Variants in IMMP2L observed in about 807,000 individuals in gnomAD.
The protein encoded by IMMP2L is mitochondrial inner membrane protease subunit 2.
IMMP2L carries 18 observed loss-of-function variants against 19.3 expected under a neutral mutation model. The observed-to-expected ratio is 0.93, with a 90% CI of 0.64 to 1.38. IMMP2L has a LOEUF of 1.38. Ranked by LOEUF, IMMP2L falls within the 40% of genes most tolerant of loss-of-function variation. The pLI, the probability that IMMP2L is intolerant of heterozygous loss-of-function variation, is 0.00. For synonymous variants in IMMP2L, 76 were observed against 73.0 expected (o/e 1.04, Z -0.21); for missense variants, 233 against 218.2 (o/e 1.07, Z -0.43).
intron 5 of IMMP2L, among the ~76,000 whole-genome samples, chr7:110,832,612 T>C (rs1209760820): frequency 2.0e-5 from 3 of 152,128 alleles, no homozygotes; most frequent in Admixed American, 6.6e-5. Flanking sequence ...GCTATGTACC[T>C]ACCCAGAACT....
intron 3 of IMMP2L, among the ~76,000 whole-genome samples, chr7:111,161,118 T>G (rs935707643): frequency 5.3e-5 from 8 of 151,816 alleles, no homozygotes; most frequent in African/African-American, 1.9e-4. Context: ...TACAACAGAC[T>G]CCGAGATTTT....
intron 3 of IMMP2L, among the ~76,000 whole-genome samples, chr7:111,161,027 G>A (rs1483086436): frequency 6.6e-6 from 1 of 151,308 alleles, no homozygotes; most frequent in Non-Finnish European, 1.5e-5. Context: ...AAATATAGTC[G>A]ATCTCAACAA....
intron 3 of IMMP2L, among the ~76,000 whole-genome samples, chr7:111,138,473 A>C (rs1012391733): frequency 6.6e-6 from 1 of 152,190 alleles, no homozygotes; most frequent in Admixed American, 6.5e-5. Flanking sequence ...CTTTCTCTTT[A>C]GTTGTGGTAG....
intron 3 of IMMP2L, among the ~76,000 whole-genome samples, chr7:111,469,063 A>C (rs1280602371): frequency 6.6e-6 from 1 of 152,066 alleles, no homozygotes; most frequent in Admixed American, 6.6e-5. Context: ...GGACAAAGGG[A>C]AAAGAGAAGA....
chr7:111,460,255 A>G (rs1840023561), intron 3 of IMMP2L, among the ~76,000 whole-genome samples: 1 of 152,172 alleles, frequency 6.6e-6, no homozygotes, highest in Admixed American at 6.6e-5. Context: ...TGAGTTTTTT[A>G]AGAAATTTTA....
rs185277568 is a variant in IMMP2L, at chr7:111,408,470, C to T, written c.239+78768G>A. On this transcript the variant is annotated intron_variant, in intron 3 of 5. Coordinates refer to ENST00000405709, the MANE Select transcript of IMMP2L (RefSeq NM_032549.4). Reference sequence around the variant, plus strand: ...TGCAACAGTCACGCATAAACACACACACAAACTCTAAGTCACACAATCTCT... The same window carrying T: ...TGCAACAGTCACGCATAAACACACATACAAACTCTAAGTCACACAATCTCT... Among the ~76,000 whole-genome samples, 92 of 151,812 alleles carry T rather than the reference C, an allele frequency of 6.1e-4. 6 individuals carry two copies. Among genetic ancestry groups the T allele is most frequent in the African/African-American group, 2.1e-3 (86 of 41,276 alleles).
At chr7:111,109,005 G>A (rs1009018093) in intron 3 of IMMP2L, among the ~76,000 whole-genome samples, 1 of 152,120 alleles carries the variant, frequency 6.6e-6, no homozygotes, top group Non-Finnish European at 1.5e-5. Flanking sequence ...TGGAGATGAT[G>A]GGAAGTAAGC....
At chr7:111,471,643 T>C (rs1390176975) in intron 3 of IMMP2L, among the ~76,000 whole-genome samples, 1 of 152,144 alleles carries the variant, frequency 6.6e-6, no homozygotes, top group Non-Finnish European at 1.5e-5. Flanking sequence ...AAAATTAAAA[T>C]TACACTTGTT....
At chr7:111,461,392 A>T (rs1840123436) in intron 3 of IMMP2L, among the ~76,000 whole-genome samples, 2 of 152,078 alleles carry the variant, frequency 1.3e-5, no homozygotes, top group Non-Finnish European at 2.9e-5. Flanking sequence ...TCATCCTGAA[A>T]TACACACACA....
intron 3 of IMMP2L, among the ~76,000 whole-genome samples, chr7:111,121,799 T>C (rs1483001330): frequency 1.3e-5 from 2 of 152,134 alleles, no homozygotes; most frequent in African/African-American, 4.8e-5. Context: ...TGCAGCAGTA[T>C]TCACAATAGC....
chr7:111,514,340 T>C (rs1256065795), intron 2 of IMMP2L, among the ~76,000 whole-genome samples: 3 of 151,442 alleles, frequency 2.0e-5, no homozygotes, highest in African/African-American at 7.3e-5. Flanking sequence ...GGACACAGAA[T>C]GGGCAACATC....
intron 5 of IMMP2L, among the ~76,000 whole-genome samples, chr7:110,826,789 A>G (rs1229883911): frequency 6.6e-6 from 1 of 152,084 alleles, no homozygotes; most frequent in African/African-American, 2.4e-5. Context: ...ATACATATGT[A>G]ACAAACCTGC....
At chr7:111,098,384 G>C (rs947129678) in intron 3 of IMMP2L, among the ~76,000 whole-genome samples, 1 of 151,726 alleles carries the variant, frequency 6.6e-6, no homozygotes, top group Non-Finnish European at 1.5e-5. Context: ...TAATGAGGAA[G>C]CAAAATTTAT....
chr7:111,431,214 T>G lies in IMMP2L; in HGVS notation c.239+56024A>C, dbSNP rs970535179. On this transcript the variant is annotated intron_variant, in intron 3 of 5. Coordinates refer to ENST00000405709, the MANE Select transcript of IMMP2L (RefSeq NM_032549.4). ...TACCTCCGTGGCATATGCCCAGGAT[T>G]TATAGATCTTTTGTTAGATAACAAA... is the stretch of plus-strand genomic sequence containing the variant. Among the ~76,000 whole-genome samples the G allele has an allele frequency of 2.2e-4, 33 of 151,882 alleles. 1 individual carries two copies. The highest frequency in any genetic ancestry group is 8.0e-4 in the African/African-American group (33 of 41,154).
intron 3 of IMMP2L, among the ~76,000 whole-genome samples, chr7:111,057,883 ATTTCTTCAAC>A (rs1793658301): frequency 6.6e-6 from 1 of 152,146 alleles, no homozygotes; most frequent in South Asian, 2.1e-4. Context: ...TTCATGAGGA[ATTTCTTCAAC>A]TGTATGTATG....
At chr7:111,318,743 T>C (rs891008093) in intron 3 of IMMP2L, among the ~76,000 whole-genome samples, 2 of 152,262 alleles carry the variant, frequency 1.3e-5, no homozygotes, top group East Asian at 1.9e-4. Flanking sequence ...AAATTTCTAT[T>C]ACTTAATAGA....
chr7:110,786,245 T>A (rs1270829913), intron 5 of IMMP2L, among the ~76,000 whole-genome samples: 1 of 152,002 alleles, frequency 6.6e-6, no homozygotes, highest in African/African-American at 2.4e-5. Context: ...GTTACTTGAA[T>A]CTCAATATAT....
intron 1 of IMMP2L, among the ~76,000 whole-genome samples, chr7:111,528,857 GATTTT>G (rs2132767619): frequency 6.6e-6 from 1 of 152,190 alleles, no homozygotes; most frequent in African/African-American, 2.4e-5. Flanking sequence ...ACAAAATCAA[GATTTT>G]ATTTATAAAG....
rs1790687555 is a variant in IMMP2L, at chr7:111,030,828, C to T, written c.240-67263G>A. ...TACATACATATGTGTGTATATGTGT[C>T]TGTGTATATATGTATGTGTGTATAT... On this transcript the variant is annotated intron_variant, in intron 3 of 5. Transcript: ENST00000405709. 5.7e-5 allele frequency among the ~76,000 whole-genome samples: 8 copies of T among 141,050 alleles called. No individual in the cohort carries two copies. The South Asian group carries it at 1.9e-3, about 33-fold the overall frequency. 92.5% of individuals were successfully genotyped at this position (141,050 alleles called of 152,430 possible).
Sources: allele counts gnomAD v4.1 joint callset (sites outside exome capture counted in the v4.1 genomes callset), GRCh38; gene constraint gnomAD v4.1.1; transcripts MANE v1.5; gene names NCBI Gene and HGNC (gene_info 2026-07-23, HGNC 2026-07-21).